NBEA: variants seen among roughly 807,000 people sequenced by gnomAD.
NBEA encodes the protein lysosomal-trafficking regulator 2.
In NBEA, 44 loss-of-function variants were observed where a neutral mutation model predicts 343.4. The observed-to-expected ratio is 0.13, with a 90% CI of 0.10 to 0.16. NBEA has a LOEUF of 0.16. Among genes scored for constraint, NBEA ranks in the 10% least tolerant of loss-of-function variants. The pLI, the probability that NBEA is intolerant of heterozygous loss-of-function variation, is 1.00. For missense variants in NBEA, 2,555 were observed against 3,631.3 expected, an observed-to-expected ratio of 0.70 and a Z score of 7.62; for synonymous variants, 1,175 against 1,238.7, an observed-to-expected ratio of 0.95 and a Z score of 1.08.
chr13:35,635,420 G>A (rs1027230847), intron 49 of NBEA, among the ~76,000 whole-genome samples: 7 of 152,124 alleles, frequency 4.6e-5, no homozygotes, highest in Non-Finnish European at 1.0e-4. Flanking sequence ...ATCACAAAGT[G>A]GGTGATTAAG....
chr13:35,099,125 G>C (rs756690232), intron 11 of NBEA, among the ~76,000 whole-genome samples: 2 of 148,196 alleles, frequency 1.3e-5, no homozygotes, highest in African/African-American at 5.0e-5. Context: ...TCCTGAGTTC[G>C]ATCAAGCGAT....
chr13:35,045,547 A>G, intron 4 of NBEA, 146 bp downstream of exon 4: 1 of 601,182 alleles, frequency 1.7e-6, no homozygotes, highest in Non-Finnish European at 2.7e-6. Context: ...CTATATAATG[A>G]TTTGAACAAT....
At chr13:35,082,178 T>C (rs1208781348) in intron 10 of NBEA, among the ~76,000 whole-genome samples, 1 of 152,164 alleles carries the variant, frequency 6.6e-6, no homozygotes, top group African/African-American at 2.4e-5. Flanking sequence ...TTGGTTTTTT[T>C]GTCCCTGAGA....
At chr13:35,158,914 C>A in intron 21 of NBEA, 102 bp from the exon 22 acceptor site, 1 of 1,084,196 alleles carries the variant, frequency 9.2e-7, no homozygotes, top group Non-Finnish European at 1.3e-6. Flanking sequence ...CTTAAACTTT[C>A]TGGCATTATT....
chr13:35,278,548 A>G (rs1481910116), intron 34 of NBEA, among the ~76,000 whole-genome samples: 3 of 152,246 alleles, frequency 2.0e-5, no homozygotes, highest in Non-Finnish European at 4.4e-5. Flanking sequence ...ACCGCCAAAT[A>G]CTGCCTGTTG....
At chr13:34,984,570 A>G (rs1320363562) in intron 1 of NBEA, among the ~76,000 whole-genome samples, 3 of 140,678 alleles carry the variant, frequency 2.1e-5, no homozygotes, top group Admixed American at 1.4e-4. Context: ...GTTTTTTCCA[A>G]TTCTGTGAAG....
intron 1 of NBEA, among the ~76,000 whole-genome samples, chr13:34,947,720 G>A (rs1352818039): frequency 1.3e-5 from 2 of 152,080 alleles, no homozygotes; most frequent in African/African-American, 2.4e-5. Flanking sequence ...AGTTAAGTGC[G>A]TTTGTAGTGT....
intron 41 of NBEA, among the ~76,000 whole-genome samples, chr13:35,540,694 T>C (rs1314144461): frequency 6.6e-6 from 1 of 152,110 alleles, no homozygotes; most frequent in Non-Finnish European, 1.5e-5. Context: ...AAAAATTGAG[T>C]TCCTTCTCTG....
At chr13:35,544,805 C>A (rs570370602) in intron 41 of NBEA, among the ~76,000 whole-genome samples, 1 of 152,244 alleles carries the variant, frequency 6.6e-6, no homozygotes, top group East Asian at 1.9e-4. Context: ...GATTTGGGGT[C>A]AAGATGCTTT....
At chr13:34,967,269 T>C (rs1353947128) in intron 1 of NBEA, among the ~76,000 whole-genome samples, 1 of 151,724 alleles carries the variant, frequency 6.6e-6, no homozygotes, top group Admixed American at 6.6e-5. Context: ...AAAATGAAGG[T>C]TGGGTTAGAT....
chr13:35,595,842 C>T (rs2081769734), intron 47 of NBEA, among the ~76,000 whole-genome samples: 1 of 152,076 alleles, frequency 6.6e-6, no homozygotes, highest in African/African-American at 2.4e-5. Flanking sequence ...GGAACTTCTG[C>T]TAGTCTGGCA....
At chr13:35,085,441 A>G (rs1389272025) in intron 10 of NBEA, among the ~76,000 whole-genome samples, 2 of 152,214 alleles carry the variant, frequency 1.3e-5, no homozygotes, top group African/African-American at 4.8e-5. Context: ...ATGCAAATCA[A>G]TAAATGTAAT....
chr13:35,094,434 T>C (rs1223636473), intron 10 of NBEA, among the ~76,000 whole-genome samples: 1 of 152,098 alleles, frequency 6.6e-6, no homozygotes, highest in Non-Finnish European at 1.5e-5. Context: ...TATGTAGGCA[T>C]TGGTCTTCTT....
intron 8 of NBEA, among the ~76,000 whole-genome samples, chr13:35,068,338 T>C (rs929801294): frequency 2.6e-5 from 4 of 152,176 alleles, no homozygotes; most frequent in Admixed American, 6.6e-5. Flanking sequence ...TTTAAGAGAA[T>C]ATATTAAAAT....
intron 1 of NBEA, among the ~76,000 whole-genome samples, chr13:35,010,742 ATATATATATAT>A (rs1308155736): frequency 0.26 from 21,556 of 83,656 alleles, 4,922 homozygotes; most frequent in Admixed American, 0.33. Flanking sequence ...AAAAAAAAAA[ATATATATATAT>A]ATATATATAT....
intron 9 of NBEA, 94 bp downstream of exon 9, chr13:35,070,199 A>AT (rs1289169300): frequency 4.3e-5 from 54 of 1,249,668 alleles, no homozygotes; most frequent in Non-Finnish European, 5.1e-5. Flanking sequence ...TAAATCTATG[A>AT]TTTTTTTGCT....
intron 40 of NBEA, among the ~76,000 whole-genome samples, chr13:35,458,638 G>A (rs1020581136): frequency 5.3e-5 from 8 of 151,882 alleles, no homozygotes; most frequent in Non-Finnish European, 8.8e-5. Flanking sequence ...TTGTTTTTTG[G>A]TATAACTTAA....
chr13:35,309,340 C>T (rs1406736866), intron 35 of NBEA, among the ~76,000 whole-genome samples, 188 bp from the exon 36 acceptor site: 1 of 151,986 alleles, frequency 6.6e-6, no homozygotes, highest in African/African-American at 2.4e-5. Flanking sequence ...TCAAAAGCAC[C>T]TTATAAACTA....
intron 35 of NBEA, among the ~76,000 whole-genome samples, chr13:35,298,211 GTATA>G (rs72309538): frequency 0.012 from 1,274 of 102,920 alleles, 12 homozygotes; most frequent in Middle Eastern, 0.036. Context: ...GTGTGTGTGT[GTATA>G]TATATATATA....
Sources: allele counts gnomAD v4.1 joint callset (sites outside exome capture counted in the v4.1 genomes callset), GRCh38; gene constraint gnomAD v4.1.1; transcripts MANE v1.5; gene names NCBI Gene and HGNC (gene_info 2026-07-23, HGNC 2026-07-21).